Variants in SYT9 observed in about 807,000 individuals in gnomAD.
SYT9 encodes synaptotagmin 9, also known as synaptotagmin-9.
In SYT9, 22 loss-of-function variants were observed where a neutral mutation model predicts 48.4. The ratio of observed to expected loss-of-function variants is 0.45; its 90% CI spans 0.32 to 0.65. The LOEUF (loss-of-function observed/expected upper bound fraction) is 0.65, where lower values mean the gene tolerates loss of function less well. Among genes scored for constraint, SYT9 ranks in the 30% least tolerant of loss-of-function variants. The pLI is 0.03. For missense variants in SYT9, 577 were observed against 622.0 expected, an observed-to-expected ratio of 0.93 and a Z score of 0.77; for synonymous variants, 265 against 245.0, an observed-to-expected ratio of 1.08 and a Z score of -0.76.
intron 3 of SYT9, among the ~76,000 whole-genome samples, chr11:7,366,533 T>C (rs550653553): frequency 1.3e-5 from 2 of 152,332 alleles, no homozygotes; most frequent in South Asian, 4.1e-4. Context: ...TATTAATTAA[T>C]AGACATCCAC....
chr11:7,292,557 G>A (rs180772057), intron 1 of SYT9, among the ~76,000 whole-genome samples: 1 of 152,174 alleles, frequency 6.6e-6, no homozygotes, highest in Non-Finnish European at 1.5e-5. Context: ...GCCCTACAGG[G>A]CAGGTTGGGA....
intron 6 of SYT9, among the ~76,000 whole-genome samples, chr11:7,424,440 T>C (rs1847416413): frequency 6.6e-6 from 1 of 152,178 alleles, no homozygotes; most frequent in Non-Finnish European, 1.5e-5. Flanking sequence ...GAAGATGGTT[T>C]CGGCCTGGCC....
chr11:7,347,357 A>G lies in SYT9; in HGVS notation c.1044+33416A>G, dbSNP rs1589961778. Among the ~76,000 whole-genome samples, 11 of 151,990 alleles carry G rather than the reference A, an allele frequency of 7.2e-5. No homozygotes were observed. In the South Asian group the frequency reaches 2.3e-3, roughly 32 times the overall value. Reference sequence around the variant, plus strand: ...AGCGACTCTCTTGCCTCAGCCTCCCAAGTAGCTGGGATTATGGGCAACTGC... The same window carrying G: ...AGCGACTCTCTTGCCTCAGCCTCCCGAGTAGCTGGGATTATGGGCAACTGC... On this transcript the variant is annotated intron_variant, in intron 3 of 6. Coordinates refer to ENST00000318881, the MANE Select transcript of SYT9 (RefSeq NM_175733.4).
intron 3 of SYT9, among the ~76,000 whole-genome samples, chr11:7,318,493 T>C (rs1849280501): frequency 6.6e-6 from 1 of 152,144 alleles, no homozygotes; most frequent in African/African-American, 2.4e-5. Context: ...TTTGTATTTT[T>C]AGTGGAGACG....
chr11:7,335,724 AC>A (rs1484904752), intron 3 of SYT9, among the ~76,000 whole-genome samples: 2 of 152,146 alleles, frequency 1.3e-5, no homozygotes, highest in African/African-American at 2.4e-5. Flanking sequence ...TATATGTACC[AC>A]ATTTTCTTTA....
chr11:7,439,941 G>A (rs1300283127), intron 6 of SYT9: 4 of 152,208 alleles, frequency 2.6e-5, no homozygotes, highest in Admixed American at 2.6e-4. Context: ...ATTAGATTAT[G>A]CCACCAAACT....
At position 7,258,804 on chromosome 11, in the gene SYT9, C is replaced by T. The variant is rs75962860; in HGVS notation, c.145+6473C>T. On this transcript the variant is annotated intron_variant, in intron 1 of 6. Transcript: ENST00000318881. ...TCACCTGCCCATGTTTCCTTTCAGCCGTGGTCCACAAACATGTATATGTTT... is the reference window on the plus strand; with the variant it reads ...TCACCTGCCCATGTTTCCTTTCAGCTGTGGTCCACAAACATGTATATGTTT... Among the ~76,000 whole-genome samples the T allele has an allele frequency of 2.8e-3, 430 of 152,124 alleles. 2 individuals are homozygous for T. The highest frequency in any genetic ancestry group is 9.9e-3 in the African/African-American group (411 of 41,526).
intron 3 of SYT9, among the ~76,000 whole-genome samples, chr11:7,357,679 C>T (rs1368047081): frequency 6.6e-6 from 1 of 152,094 alleles, no homozygotes; most frequent in Non-Finnish European, 1.5e-5. Flanking sequence ...TGAATCACCT[C>T]TCACTCAACT....
At chr11:7,304,486 A>T (rs914393590) in intron 2 of SYT9, among the ~76,000 whole-genome samples, 2 of 152,234 alleles carry the variant, frequency 1.3e-5, no homozygotes, top group Admixed American at 6.5e-5. Context: ...GGTATTTTTT[A>T]AAAATATTTG....
At chr11:7,241,792 C>T (rs923713375) in intron 1 of SYT9, among the ~76,000 whole-genome samples, 3 of 152,250 alleles carry the variant, frequency 2.0e-5, no homozygotes, top group African/African-American at 4.8e-5. Context: ...CCAGGGGGAT[C>T]GTAAGAGTCT....
At chr11:7,239,631 C>A (rs12280654) in intron 1 of SYT9, among the ~76,000 whole-genome samples, 2,286 of 152,126 alleles carry the variant, frequency 0.015, 70 homozygotes, top group African/African-American at 0.052. Context: ...GAGTAAGCAA[C>A]CAATACAGTC....
intron 3 of SYT9, among the ~76,000 whole-genome samples, chr11:7,394,455 G>A (rs904424596): frequency 4.6e-5 from 7 of 152,150 alleles, no homozygotes; most frequent in African/African-American, 7.2e-5. Flanking sequence ...AGCATGTTTT[G>A]TAATCCTTTG....
chr11:7,345,844 C>T (rs1456109662), intron 3 of SYT9, among the ~76,000 whole-genome samples: 2 of 152,124 alleles, frequency 1.3e-5, no homozygotes, highest in East Asian at 1.9e-4. Flanking sequence ...GACAGAGGTC[C>T]AGTTTTTGAA....
intron 6 of SYT9, among the ~76,000 whole-genome samples, chr11:7,459,406 C>T (rs1010705789): frequency 1.3e-5 from 2 of 152,106 alleles, no homozygotes; most frequent in African/African-American, 4.8e-5. Flanking sequence ...AGAAGAGAAA[C>T]CGATAGACTG....
At position 7,338,473 on chromosome 11, in the gene SYT9, A is replaced by G. The variant is rs1397428453; in HGVS notation, c.1044+24532A>G. 2.0e-5 allele frequency among the ~76,000 whole-genome samples: 3 copies of G among 151,816 alleles called. No individual in the cohort carries two copies. The East Asian group carries it at 5.8e-4, about 29-fold the overall frequency. On this transcript the variant is annotated intron_variant, in intron 3 of 6. Coordinates refer to ENST00000318881, the MANE Select transcript of SYT9 (RefSeq NM_175733.4). ...AATTTGATACCTTTCTAGCTTTTTGATGTGTGTGTTTAGTGCTGTGTATTT... is the reference window on the plus strand; with the variant it reads ...AATTTGATACCTTTCTAGCTTTTTGGTGTGTGTGTTTAGTGCTGTGTATTT...
intron 3 of SYT9, 25 bp downstream of exon 3, chr11:7,313,966 TG>T: frequency 6.3e-7 from 1 of 1,593,202 alleles, no homozygotes. Context: ...TCTTCATTTT[TG>T]TGGTGGGGGG....
chr11:7,413,312 C>T (rs926159257), intron 3 of SYT9, among the ~76,000 whole-genome samples: 1 of 152,208 alleles, frequency 6.6e-6, no homozygotes, highest in Non-Finnish European at 1.5e-5. Flanking sequence ...GGCATCAAAA[C>T]CAGGGCAAGA....
intron 4 of SYT9, among the ~76,000 whole-genome samples, chr11:7,416,552 T>TAATA (rs1441313818): frequency 6.6e-6 from 1 of 152,206 alleles, no homozygotes; most frequent in Admixed American, 6.5e-5. Flanking sequence ...AGGAAAAAAG[T>TAATA]AATACAACAA....
At chr11:7,338,677 G>A (rs902829691) in intron 3 of SYT9, among the ~76,000 whole-genome samples, 5 of 151,934 alleles carry the variant, frequency 3.3e-5, no homozygotes, top group Non-Finnish European at 5.9e-5. Context: ...TTTTTGTCTC[G>A]ATTTCTATTT....
Sources: gnomAD v4.1 joint callset for allele counts (sites outside exome capture counted in the v4.1 genomes callset) on GRCh38, gnomAD v4.1.1 for gene constraint, MANE v1.5 for transcripts, NCBI Gene and HGNC (gene_info 2026-07-23, HGNC 2026-07-21) for gene names.